The following RBPJ variants were observed in gnomAD, a reference collection of about 807,000 sequenced individuals.
The protein encoded by RBPJ is recombining binding protein suppressor of hairless.
RBPJ carries 9 observed loss-of-function variants against 67.8 expected under a neutral mutation model. That is an observed-to-expected ratio of 0.13 (90% CI 0.08 to 0.23). The LOEUF (loss-of-function observed/expected upper bound fraction) is 0.23, where lower values mean the gene tolerates loss of function less well. RBPJ is among the 10% of genes least tolerant of loss of function. The probability of loss-of-function intolerance (pLI) is 1.00; values close to 1 mark genes in which losing one functional copy is unlikely to be tolerated. For missense variants in RBPJ, 305 were observed against 595.6 expected (o/e 0.51, Z 5.08); for synonymous variants, 198 against 203.3 (o/e 0.97, Z 0.22).
chr4:26,131,664 A>C, the RBPJ span, among the ~76,000 whole-genome samples: 24 of 152,228 alleles, frequency 1.6e-4, no homozygotes, highest in African/African-American at 4.8e-4. Flanking sequence ...TGGGCCCTAA[A>C]TGTAATCACA....
At position 26,430,043 on chromosome 4, in the gene RBPJ, A is replaced by C; in HGVS notation, c.1034A>C (p.Glu345Ala). 6.2e-7 allele frequency: 1 copy of C among 1,614,076 alleles called. No individual in the cohort carries two copies. The highest frequency in any genetic ancestry group is 8.5e-7 in the Non-Finnish European group (1 of 1,179,976). The change falls in exon 9 of 11, where the codon GAG (glutamate) becomes GCG (alanine). Residue 345 changes from glutamate to alanine, a missense_variant. Coordinates refer to ENST00000355476, the MANE Select transcript of RBPJ (RefSeq NM_015874.6). This position sits in a 1 kb window ranked among gnomAD's most constrained non-coding sequence, Gnocchi z 4.1. Reference protein sequence around the residue: ...LAPVTPVPVVESLQLNGGGDV... With the variant: ...LAPVTPVPVVASLQLNGGGDV... ...CCAGTCACTCCTGTGCCTGTGGTAGAGAGCCTTCAGGTGAGAACGCCTAGT... is the reference window on the plus strand; with the variant it reads ...CCAGTCACTCCTGTGCCTGTGGTAGCGAGCCTTCAGGTGAGAACGCCTAGT...
the RBPJ span, among the ~76,000 whole-genome samples, chr4:26,131,004 C>A: frequency 1.3e-5 from 2 of 152,266 alleles, no homozygotes; most frequent in Admixed American, 6.5e-5. Context: ...CTAAGCTTAG[C>A]ATGCCTGTGC....
At chr4:26,428,496 G>C in intron 7 of RBPJ, 1 of 425,652 alleles carries the variant, frequency 2.3e-6, no homozygotes, top group African/African-American at 2.1e-5. Flanking sequence ...TAGATGTTCA[G>C]GGAAGAGGGT....
intron 1 of RBPJ, among the ~76,000 whole-genome samples, chr4:26,357,400 GT>G (rs1436749658): frequency 6.6e-6 from 1 of 152,186 alleles, no homozygotes; most frequent in Admixed American, 6.5e-5. Flanking sequence ...ATGGTTGAAT[GT>G]TGTGGCTGTC....
chr4:26,366,604 T>A (rs2109526353), intron 1 of RBPJ, among the ~76,000 whole-genome samples: 1 of 152,100 alleles, frequency 6.6e-6, no homozygotes, highest in Non-Finnish European at 1.5e-5. Context: ...GTATTTTTAG[T>A]AGAGACGGGG....
chr4:26,213,604 C>T (rs1015683496), intron 1 of RBPJ, among the ~76,000 whole-genome samples: 15 of 152,084 alleles, frequency 9.9e-5, no homozygotes, highest in South Asian at 6.2e-4. Flanking sequence ...GAAAGGTAGG[C>T]GGGGGCTAGA....
intron 2 of RBPJ, among the ~76,000 whole-genome samples, chr4:26,395,859 C>G (rs183781478): frequency 7.5e-4 from 115 of 152,346 alleles, no homozygotes; most frequent in Non-Finnish European, 1.3e-3. Flanking sequence ...AATCTCTTCT[C>G]TTCCCTATCC....
intron 2 of RBPJ, among the ~76,000 whole-genome samples, chr4:26,401,295 C>A (rs1233974025): frequency 6.6e-6 from 1 of 152,216 alleles, no homozygotes; most frequent in Non-Finnish European, 1.5e-5. Flanking sequence ...AAGCTATACC[C>A]CTAATCACTA....
At chr4:26,256,894 C>T (rs1016661100) in intron 1 of RBPJ, among the ~76,000 whole-genome samples, 4 of 152,214 alleles carry the variant, frequency 2.6e-5, no homozygotes, top group Non-Finnish European at 5.9e-5. Context: ...GAGCTTAGAA[C>T]TAAACCTCTG....
chr4:26,117,588 A>G, the RBPJ span, among the ~76,000 whole-genome samples: 1 of 152,172 alleles, frequency 6.6e-6, no homozygotes, highest in Non-Finnish European at 1.5e-5. Context: ...TTTACTGTCT[A>G]TTCTGAAAGG....
the RBPJ span, among the ~76,000 whole-genome samples, chr4:26,148,353 G>C: frequency 1.3e-5 from 2 of 152,230 alleles, no homozygotes; most frequent in African/African-American, 4.8e-5. Flanking sequence ...GTGTGTTTCG[G>C]AGAGGTCAGC....
At chr4:26,210,032 C>CTAAA (rs1718330036) in intron 1 of RBPJ, among the ~76,000 whole-genome samples, 1 of 152,072 alleles carries the variant, frequency 6.6e-6, no homozygotes, top group Admixed American at 6.6e-5. Context: ...TATGAGGACC[C>CTAAA]ACTGTAGAGT....
intron 1 of RBPJ, among the ~76,000 whole-genome samples, chr4:26,226,594 T>G (rs1719084202): frequency 6.6e-6 from 1 of 152,226 alleles, no homozygotes; most frequent in Non-Finnish European, 1.5e-5. Context: ...TCTGGCTTTG[T>G]GATGATCATC....
At chr4:26,244,722 G>A (rs1253761742) in intron 1 of RBPJ, among the ~76,000 whole-genome samples, 1 of 151,982 alleles carries the variant, frequency 6.6e-6, no homozygotes, top group Non-Finnish European at 1.5e-5. Context: ...CTGCCTCCCA[G>A]GTTCAGGCAA....
chr4:26,402,646 G>A (rs1732959139), intron 2 of RBPJ, among the ~76,000 whole-genome samples: 1 of 152,264 alleles, frequency 6.6e-6, no homozygotes, highest in African/African-American at 2.4e-5. Context: ...GTGTCTTTCT[G>A]CAGCACCTGA....
At chr4:26,140,273 G>A in the RBPJ span, among the ~76,000 whole-genome samples, 2 of 152,216 alleles carry the variant, frequency 1.3e-5, no homozygotes, top group Non-Finnish European at 2.9e-5. Context: ...CCCAGGCTGT[G>A]GCACAAACCA....
chr4:26,426,968 G>A (rs532754053), intron 7 of RBPJ, among the ~76,000 whole-genome samples: 22 of 152,290 alleles, frequency 1.4e-4, no homozygotes, highest in African/African-American at 4.3e-4. Context: ...GCCACTGGAG[G>A]ATTTTAAACG....
chr4:26,133,172 C>A, the RBPJ span, among the ~76,000 whole-genome samples: 3 of 152,260 alleles, frequency 2.0e-5, no homozygotes, highest in Non-Finnish European at 4.4e-5. Flanking sequence ...CAATAGCCAT[C>A]ATCTGAGACA....
the RBPJ span, among the ~76,000 whole-genome samples, chr4:26,118,791 A>G: frequency 6.6e-6 from 1 of 152,124 alleles, no homozygotes; most frequent in East Asian, 1.9e-4. Context: ...TAAACTTCCA[A>G]CTCCCAAGAA....
Sources: allele counts gnomAD v4.1 joint callset (sites outside exome capture counted in the v4.1 genomes callset), GRCh38; gene constraint gnomAD v4.1.1; non-coding constraint Gnocchi (gnomAD v3.1); transcripts MANE v1.5; gene names NCBI Gene and HGNC (gene_info 2026-07-23, HGNC 2026-07-21).